Variants in KCNT2 observed in about 807,000 individuals in gnomAD.
KCNT2 encodes the protein potassium sodium-activated channel subfamily T member 2, also known as potassium channel subfamily T member 2.
A neutral mutation model predicts 153.8 loss-of-function variants in KCNT2; 67 were observed. The observed-to-expected ratio is 0.44, with a 90% CI of 0.36 to 0.53. The LOEUF is 0.53. Among genes scored for constraint, KCNT2 ranks in the 20% least tolerant of loss-of-function variants. The probability of loss-of-function intolerance (pLI) is 0.00; values close to 1 mark genes in which losing one functional copy is unlikely to be tolerated. For synonymous variants in KCNT2, 500 were observed against 458.8 expected (o/e 1.09, Z -1.15); for missense variants, 975 against 1,354.8 (o/e 0.72, Z 4.40).
intron 18 of KCNT2, 76 bp downstream of exon 18, chr1:196,331,080 C>A: frequency 3.7e-6 from 3 of 813,812 alleles, no homozygotes; most frequent in South Asian, 1.4e-5. Flanking sequence ...AAATGCTGTA[C>A]AAATTACTTA....
intron 1 of KCNT2, among the ~76,000 whole-genome samples, chr1:196,519,244 C>T (rs924009355): frequency 1.3e-5 from 2 of 152,098 alleles, no homozygotes; most frequent in African/African-American, 4.8e-5. Context: ...TTTTTTGAAA[C>T]TCGTGAGAAC....
At chr1:196,534,393 A>G (rs546997293) in intron 1 of KCNT2, among the ~76,000 whole-genome samples, 1 of 152,040 alleles carries the variant, frequency 6.6e-6, no homozygotes, top group Non-Finnish European at 1.5e-5. Context: ...TTGAAACCTT[A>G]CTCCAGGCAA....
chr1:196,269,281 C>T (rs930501749), intron 25 of KCNT2, among the ~76,000 whole-genome samples: 2 of 152,134 alleles, frequency 1.3e-5, no homozygotes, highest in Non-Finnish European at 2.9e-5. Context: ...AAAACGTAGG[C>T]ATGATTTCCA....
intron 22 of KCNT2, among the ~76,000 whole-genome samples, chr1:196,287,899 A>T (rs994635862): frequency 1.3e-5 from 2 of 152,130 alleles, no homozygotes; most frequent in South Asian, 4.1e-4. Flanking sequence ...TGTGAATGGT[A>T]ACAATAGCAA....
At position 196,585,543 on chromosome 1, in the gene KCNT2, G is replaced by A. The variant is rs191800429; in HGVS notation, c.95+22672C>T. 4.2e-3 allele frequency among the ~76,000 whole-genome samples: 635 copies of A among 152,074 alleles called. 3 individuals carry two copies. The highest frequency in any genetic ancestry group is 6.8e-3 in the Middle Eastern group (2 of 292). ...TTGCCCAAATAAATGGAATGGATGG[G>A]TCAATTTAGTGGAAATAACTGAGCT... On this transcript the variant is annotated intron_variant, in intron 1 of 27. Coordinates refer to ENST00000294725, the MANE Select transcript of KCNT2 (RefSeq NM_198503.5).
chr1:196,479,070 T>C, intron 5 of KCNT2, 109 bp downstream of exon 5: 3 of 708,296 alleles, frequency 4.2e-6, no homozygotes, highest in Non-Finnish European at 7.3e-6. Context: ...ACAAAGTGGC[T>C]CAAGAAGAGT....
chr1:196,379,492 A>C (rs2148360010), intron 13 of KCNT2, among the ~76,000 whole-genome samples: 1 of 151,462 alleles, frequency 6.6e-6, no homozygotes, highest in African/African-American at 2.4e-5. Context: ...GAATCACTTG[A>C]ACTCAGGAGG....
intron 13 of KCNT2, among the ~76,000 whole-genome samples, chr1:196,381,057 C>A (rs747079835): frequency 6.6e-6 from 1 of 152,196 alleles, no homozygotes; most frequent in Non-Finnish European, 1.5e-5. Context: ...TGCATAGAAT[C>A]TAACCCAATT....
intron 25 of KCNT2, among the ~76,000 whole-genome samples, chr1:196,263,526 A>C (rs1297414202): frequency 6.6e-6 from 1 of 152,078 alleles, no homozygotes; most frequent in African/African-American, 2.4e-5. Flanking sequence ...TAGGAGAAAT[A>C]CCTAATGTAG....
Position 196,451,407 on chromosome 1 carries a change from ATTTTTTT to A in KCNT2, c.638+13879_638+13885del, listed in dbSNP as rs35621901. Among the ~76,000 whole-genome samples the A allele has an allele frequency of 1.0e-3, 66 of 62,876 alleles. No individual in the cohort carries two copies. In the East Asian group the frequency reaches 0.031, roughly 29 times the overall value. The allele number at this position is 62,876 out of a possible 152,430, so 41.2% of individuals were successfully genotyped here. A position where few individuals can be genotyped will look rare whatever the true frequency, so the allele number is the denominator to read the frequency against. ...AGACGTGCGCTACCACACCCAACACATTTTTTTTTTTTTTTTTTTTTTTTTGGATTTT... is the reference window on the plus strand; with the variant it reads ...AGACGTGCGCTACCACACCCAACACATTTTTTTTTTTTTTTTTTGGATTTT... On this transcript the variant is annotated intron_variant, in intron 8 of 27. Transcript: ENST00000294725.
intron 27 of KCNT2, among the ~76,000 whole-genome samples, chr1:196,234,976 T>C (rs569022034): frequency 2.0e-4 from 31 of 151,570 alleles, no homozygotes; most frequent in Admixed American, 1.6e-3. Context: ...GGAATTTCTT[T>C]CCTAGGCTTA....
intron 21 of KCNT2, among the ~76,000 whole-genome samples, chr1:196,315,479 A>T (rs1388477552): frequency 6.6e-6 from 1 of 151,658 alleles, no homozygotes; most frequent in Non-Finnish European, 1.5e-5. Flanking sequence ...TGCTCCTAAC[A>T]TGGGTAACTT....
At chr1:196,455,911 C>G (rs1300937301) in intron 8 of KCNT2, among the ~76,000 whole-genome samples, 1 of 152,034 alleles carries the variant, frequency 6.6e-6, no homozygotes, top group Non-Finnish European at 1.5e-5. Context: ...CAGCCAAGCT[C>G]TTTAGTTCAT....
At chr1:196,591,801 G>T (rs546620217) in intron 1 of KCNT2, among the ~76,000 whole-genome samples, 2 of 152,266 alleles carry the variant, frequency 1.3e-5, no homozygotes, top group Admixed American at 6.5e-5. Flanking sequence ...GGGATGCACA[G>T]AGGAGCTGAC....
chr1:196,459,522 T>G (rs1410109644), intron 8 of KCNT2, among the ~76,000 whole-genome samples: 1 of 151,898 alleles, frequency 6.6e-6, no homozygotes, highest in African/African-American at 2.4e-5. Context: ...TTTGTTTGTA[T>G]GCTCCATGCA....
intron 22 of KCNT2, 107 bp from the exon 23 acceptor site, chr1:196,285,865 C>T: frequency 3.0e-6 from 2 of 677,172 alleles, no homozygotes; most frequent in South Asian, 3.4e-5. Flanking sequence ...TCATATGGTT[C>T]TTAGCTATAA....
intron 1 of KCNT2, among the ~76,000 whole-genome samples, chr1:196,590,824 C>T (rs1288507219): frequency 1.3e-5 from 2 of 152,102 alleles, no homozygotes; most frequent in African/African-American, 4.8e-5. Flanking sequence ...CTCCAAATCC[C>T]ATGTTGAAAA....
chr1:196,566,178 C>A (rs1039496280), intron 1 of KCNT2, among the ~76,000 whole-genome samples: 21 of 151,844 alleles, frequency 1.4e-4, no homozygotes, highest in Admixed American at 2.6e-4. Flanking sequence ...TCCTTTATTG[C>A]CAAGGAGAGT....
At chr1:196,414,993 C>A (rs1672641136) in intron 12 of KCNT2, among the ~76,000 whole-genome samples, 1 of 151,776 alleles carries the variant, frequency 6.6e-6, no homozygotes. Flanking sequence ...AATTAATATC[C>A]AAGAAAAGTT....
Sources: allele counts gnomAD v4.1 joint callset (sites outside exome capture counted in the v4.1 genomes callset), GRCh38; gene constraint gnomAD v4.1.1; transcripts MANE v1.5; gene names NCBI Gene and HGNC (gene_info 2026-07-23, HGNC 2026-07-21).